Variants in MBOAT4 observed in about 807,000 individuals in gnomAD.
MBOAT4 encodes the protein membrane bound ghrelin O-acyltransferase MBOAT4.
Under a neutral mutation model 13.2 loss-of-function variants are expected in MBOAT4, and 11 were observed. The observed-to-expected ratio is 0.84, with a 90% CI of 0.53 to 1.38. The LOEUF (loss-of-function observed/expected upper bound fraction) is 1.38, where lower values mean the gene tolerates loss of function less well. Ranked by LOEUF, MBOAT4 falls within the 40% of genes most tolerant of loss-of-function variation. The probability of loss-of-function intolerance (pLI) is 0.00; values close to 1 mark genes in which losing one functional copy is unlikely to be tolerated. For synonymous variants in MBOAT4, 202 were observed against 210.3 expected, an observed-to-expected ratio of 0.96 and a Z score of 0.34; for missense variants, 481 against 527.2, an observed-to-expected ratio of 0.91 and a Z score of 0.86.
At chr8:30,137,136 A>T (rs1736541244) in intron 2 of MBOAT4, 5 of 713,090 alleles carry the variant, frequency 7.0e-6, no homozygotes, top group Non-Finnish European at 1.2e-5. Flanking sequence ...CCTGAAGCCA[A>T]TTGTGATCAC....
intron 1 of MBOAT4, among the ~76,000 whole-genome samples, chr8:30,144,049 G>A (rs1803307158): frequency 6.6e-6 from 1 of 152,050 alleles, no homozygotes; most frequent in Admixed American, 6.6e-5. Flanking sequence ...CAGTGACAGT[G>A]AGAGTAAGTT....
In MBOAT4 at chr8:30,131,851, T is replaced by C; in HGVS notation, c.*92A>G. On this transcript the variant is annotated 3_prime_UTR_variant, in exon 3 of 3. Transcript: ENST00000320542. Reference sequence around the variant, plus strand: ...CAAAACTTTAGAAAAAATTTTATTATGGAAAAGTTCAAATGTATGCATTAT... The same window carrying C: ...CAAAACTTTAGAAAAAATTTTATTACGGAAAAGTTCAAATGTATGCATTAT... The C allele has an allele frequency of 2.8e-6, 4 of 1,426,192 alleles. No homozygotes were observed. The highest frequency in any genetic ancestry group is 2.8e-6 in the Non-Finnish European group (3 of 1,078,822). 88.3% of individuals were successfully genotyped at this position (1,426,192 alleles called of 1,614,324 possible).
intron 2 of MBOAT4, among the ~76,000 whole-genome samples, chr8:30,136,774 G>T (rs1341958587): frequency 1.3e-5 from 2 of 150,188 alleles, no homozygotes; most frequent in South Asian, 2.1e-4. Context: ...TGTCACCCAG[G>T]CTGGAGTGCA....
chr8:30,139,909 G>A (rs73576734), intron 1 of MBOAT4, among the ~76,000 whole-genome samples: 8,452 of 152,244 alleles, frequency 0.056, 319 homozygotes, highest in East Asian at 0.24. Context: ...GCACTTGAGC[G>A]ATGATGACAC....
intron 1 of MBOAT4, among the ~76,000 whole-genome samples, chr8:30,139,588 T>G (rs919050636): frequency 5.3e-5 from 8 of 152,184 alleles, no homozygotes; most frequent in African/African-American, 1.9e-4. Flanking sequence ...AATCTTTATA[T>G]CCACCCTTCA....
intron 1 of MBOAT4, among the ~76,000 whole-genome samples, chr8:30,139,291 C>CCT (rs35977263): frequency 0.93 from 140,354 of 151,658 alleles, 65,144 homozygotes; most frequent in Middle Eastern, 0.98. Flanking sequence ...GGCCCTGGAA[C>CCT]CTCTCTTTGA....
rs150552460 is a variant in MBOAT4 at position 30,134,147 on chromosome 8, G to C, written c.345-1241C>G. Among the ~76,000 whole-genome samples the C allele has an allele frequency of 6.3e-4, 96 of 152,280 alleles. No individual in the cohort carries two copies. The East Asian group carries it at 0.018, about 29-fold the overall frequency. ...CTTAAAAAACTTTCTCTTACCAGCT[G>C]GGTGTGGTGGCTCACGCCTGTAATC... On this transcript the variant is annotated intron_variant, in intron 2 of 2. Transcript: ENST00000320542.
At chr8:30,143,892 T>C (rs1173174438) in intron 1 of MBOAT4, among the ~76,000 whole-genome samples, 2 of 152,202 alleles carry the variant, frequency 1.3e-5, no homozygotes, top group Admixed American at 1.3e-4. Flanking sequence ...TCCTGTACCA[T>C]CGCAACAACC....
chr8:30,138,853 C>G, intron 1 of MBOAT4, 97 bp from the exon 2 acceptor site: 4 of 831,646 alleles, frequency 4.8e-6, no homozygotes, highest in Non-Finnish European at 7.7e-6. Context: ...CTGGTAGGCC[C>G]CACACAACAC....
chr8:30,144,345 A>G, intron 1 of MBOAT4, 138 bp downstream of exon 1: 6 of 579,130 alleles, frequency 1.0e-5, no homozygotes, highest in Non-Finnish European at 1.8e-5. Flanking sequence ...TATGTTGGCC[A>G]GGCAGTTCTC....
At chr8:30,134,454 A>G (rs945186862) in intron 2 of MBOAT4, among the ~76,000 whole-genome samples, 1 of 152,100 alleles carries the variant, frequency 6.6e-6, no homozygotes, top group African/African-American at 2.4e-5. Flanking sequence ...AACAAAAAAA[A>G]ACTTTGTCTT....
chr8:30,132,838 C>A lies in MBOAT4; in HGVS notation c.413G>T (p.Cys138Phe). ...AGATGCTGCCTTCACTTTCCCCTCA[C>A]AAATGTCCAGAGAGAGGGACGTGAC... Reference protein sequence around the residue: ...QRVTSLSLDICEGKVKAASGG... With the variant: ...QRVTSLSLDIFEGKVKAASGG... The change falls in exon 3 of 3, where the codon TGT becomes TTT. Residue 138 changes from cysteine (C) to phenylalanine (F), a missense_variant. Coordinates refer to ENST00000320542, the MANE Select transcript of MBOAT4 (RefSeq NM_001100916.2). The A allele has an allele frequency of 6.4e-7, 1 of 1,551,682 alleles. No individual in the cohort carries two copies.
intron 2 of MBOAT4, 123 bp downstream of exon 2, chr8:30,138,409 G>C: frequency 1.5e-6 from 1 of 685,790 alleles, no homozygotes; most frequent in South Asian, 1.9e-5. Context: ...ACTTGCTCAA[G>C]GTCACACTGG....
chr8:30,142,800 A>G (rs1803283539), intron 1 of MBOAT4, among the ~76,000 whole-genome samples: 1 of 152,210 alleles, frequency 6.6e-6, no homozygotes, highest in Admixed American at 6.5e-5. Flanking sequence ...CCATTAGTGA[A>G]GTTAAGGGCC....
rs2117545356 is a variant in MBOAT4, at chr8:30,138,441, C to T, written c.344+91G>A. ...CTGGTCAAATGTGGAAAAATTAGGA[C>T]TCCAACCCAACACCCAGGTTCTCTC... On this transcript the variant is annotated intron_variant, in intron 2 of 2. Coordinates refer to ENST00000320542, the MANE Select transcript of MBOAT4 (RefSeq NM_001100916.2). 3.9e-6 allele frequency: 4 copies of T among 1,025,998 alleles called. No individual in the cohort carries two copies. In the South Asian group the frequency reaches 6.4e-5, roughly 17 times the overall value. 63.6% of individuals were successfully genotyped at this position (1,025,998 alleles called of 1,614,324 possible). A position where few individuals can be genotyped will look rare whatever the true frequency, so the allele number is the denominator to read the frequency against.
At position 30,131,939 on chromosome 8, in the gene MBOAT4, G is replaced by T. The variant is rs1413455935; in HGVS notation, c.*4C>A. 6.5e-7 allele frequency: 1 copy of T among 1,540,040 alleles called. No individual in the cohort carries two copies. Among genetic ancestry groups the T allele is most frequent in the Non-Finnish European group, 8.8e-7 (1 of 1,138,982 alleles). ...GTGTTTAAGGTGAAAGCCAGGGAAAGATGTCAGTTACATTTGTGCTTTCTC... is the reference window on the plus strand; with the variant it reads ...GTGTTTAAGGTGAAAGCCAGGGAAATATGTCAGTTACATTTGTGCTTTCTC... On this transcript the variant is annotated 3_prime_UTR_variant, in exon 3 of 3. Coordinates refer to ENST00000320542, the MANE Select transcript of MBOAT4 (RefSeq NM_001100916.2).
intron 1 of MBOAT4, among the ~76,000 whole-genome samples, chr8:30,142,070 G>A (rs1803270394): frequency 6.6e-6 from 1 of 152,184 alleles, no homozygotes; most frequent in Admixed American, 6.5e-5. Flanking sequence ...TCCCCTAGGA[G>A]ATTTATAAAC....
chr8:30,133,765 C>T (rs1390740088), intron 2 of MBOAT4, among the ~76,000 whole-genome samples: 2 of 130,118 alleles, frequency 1.5e-5, no homozygotes, highest in African/African-American at 5.8e-5. Flanking sequence ...CTCCAGCCTA[C>T]ACATCCAAGT....
At chr8:30,141,738 C>T (rs1202634184) in intron 1 of MBOAT4, among the ~76,000 whole-genome samples, 1 of 152,174 alleles carries the variant, frequency 6.6e-6, no homozygotes, top group East Asian at 1.9e-4. Flanking sequence ...TCAAAGAAGC[C>T]TAGGATTTCT....
Sources: allele counts gnomAD v4.1 joint callset (sites outside exome capture counted in the v4.1 genomes callset), GRCh38; gene constraint gnomAD v4.1.1; transcripts MANE v1.5; gene names NCBI Gene and HGNC (gene_info 2026-07-23, HGNC 2026-07-21).